Variants in CACNG5 observed in about 807,000 individuals in gnomAD.
CACNG5 encodes voltage-dependent calcium channel gamma-5 subunit.
CACNG5 carries 18 observed loss-of-function variants against 24.8 expected under a neutral mutation model. That is an observed-to-expected ratio of 0.73 (90% confidence interval 0.50 to 1.08). CACNG5 has a LOEUF of 1.08. Among genes scored for constraint, CACNG5 ranks in the 50% least tolerant of loss-of-function variants. The pLI, the probability that CACNG5 is intolerant of heterozygous loss-of-function variation, is 0.00. For missense variants in CACNG5, 349 were observed against 367.9 expected, an observed-to-expected ratio of 0.95 and a Z score of 0.42; for synonymous variants, 157 against 149.1, an observed-to-expected ratio of 1.05 and a Z score of -0.39.
rs79156024 is a variant in CACNG5 at position 66,893,731 on chromosome 17, C to G, written c.*8491C>G. Among the ~76,000 whole-genome samples, 22 of 152,184 alleles carry G rather than the reference C, an allele frequency of 1.4e-4. No individual in the cohort carries two copies. Among genetic ancestry groups the G allele is most frequent in the Admixed American group, 9.8e-4 (15 of 15,278 alleles). ...GCCATGGCAGGTGAGACCCGCCCCC[C>G]CAACCCGGCATTCTGAAGCCCTTCA... On this transcript the variant is annotated 3_prime_UTR_variant, in exon 6 of 6. Transcript: ENST00000533854.
chr17:66,876,555 G>A (rs1328614671), intron 1 of CACNG5, among the ~76,000 whole-genome samples: 1 of 152,210 alleles, frequency 6.6e-6, no homozygotes, highest in East Asian at 1.9e-4. Context: ...GTAAGAGTCA[G>A]CCCATTTCTG....
intron 1 of CACNG5, among the ~76,000 whole-genome samples, chr17:66,849,009 A>T (rs946550873): frequency 3.3e-5 from 5 of 151,964 alleles, no homozygotes; most frequent in African/African-American, 9.7e-5. Context: ...GTGTGCATTG[A>T]TTGAGTGCTT....
intron 1 of CACNG5, among the ~76,000 whole-genome samples, chr17:66,836,623 G>A (rs1218857816): frequency 2.0e-5 from 3 of 152,210 alleles, no homozygotes; most frequent in South Asian, 4.1e-4. Context: ...GTAGCTGGGG[G>A]ACACCTCATC....
chr17:66,844,372 G>A (rs61018231), intron 1 of CACNG5, among the ~76,000 whole-genome samples: 21,405 of 152,164 alleles, frequency 0.14, 1,828 homozygotes, highest in East Asian at 0.38. Flanking sequence ...GGCCTTAGGT[G>A]AGTCATTTTA....
chr17:66,869,449 A>G (rs958905583), intron 1 of CACNG5, among the ~76,000 whole-genome samples: 1 of 152,172 alleles, frequency 6.6e-6, no homozygotes, highest in Non-Finnish European at 1.5e-5. Flanking sequence ...GACTTACTTG[A>G]TAAGTCTTTC....
chr17:66,875,085 C>T (rs915159374), intron 1 of CACNG5, among the ~76,000 whole-genome samples: 8 of 152,202 alleles, frequency 5.3e-5, no homozygotes, highest in Non-Finnish European at 1.0e-4. Context: ...TATGATGCTA[C>T]CCCACCTTCA....
At chr17:66,882,994 C>G (rs1977185926) in intron 4 of CACNG5, among the ~76,000 whole-genome samples, 1 of 152,094 alleles carries the variant, frequency 6.6e-6, no homozygotes. Context: ...CATCCACACA[C>G]CTACCCACTC....
chr17:66,866,574 T>G (rs975785843), intron 1 of CACNG5, among the ~76,000 whole-genome samples: 12 of 152,222 alleles, frequency 7.9e-5, no homozygotes, highest in Non-Finnish European at 1.5e-4. Flanking sequence ...TATTAAGCCC[T>G]GCATGCTTTA....
At chr17:66,843,813 G>T (rs900805600) in intron 1 of CACNG5, among the ~76,000 whole-genome samples, 1 of 152,158 alleles carries the variant, frequency 6.6e-6, no homozygotes, top group African/African-American at 2.4e-5. Flanking sequence ...TGGGTGGGGG[G>T]AGGCAGGAAC....
rs999181829 is a variant in CACNG5, at chr17:66,892,060, T to G, written c.*6820T>G. On this transcript the variant is annotated 3_prime_UTR_variant, in exon 6 of 6. Coordinates refer to ENST00000533854, the MANE Select transcript of CACNG5 (RefSeq NM_145811.3). The stretch of plus-strand genomic sequence containing the variant: ...TGGGATTTATCACTGTAGCTGGGGA[T>G]AAGGCCACCTTCTGAGTCTGGCTGG... 3.3e-5 allele frequency among the ~76,000 whole-genome samples: 5 copies of G among 152,334 alleles called. No individual in the cohort carries two copies. Among genetic ancestry groups the G allele is most frequent in the African/African-American group, 9.6e-5 (4 of 41,590 alleles).
intron 1 of CACNG5, among the ~76,000 whole-genome samples, chr17:66,846,844 A>G (rs1017543582): frequency 6.6e-6 from 1 of 152,072 alleles, no homozygotes; most frequent in Admixed American, 6.6e-5. Context: ...GCGCCACCAA[A>G]CTCCTTTCCA....
intron 1 of CACNG5, among the ~76,000 whole-genome samples, chr17:66,870,745 G>A (rs749851329): frequency 4.6e-5 from 7 of 152,150 alleles, no homozygotes; most frequent in South Asian, 4.1e-4. Context: ...TTGAGAGGCC[G>A]AGGCAGGTGA....
At chr17:66,837,817 CAG>C (rs971275757) in intron 1 of CACNG5, among the ~76,000 whole-genome samples, 1 of 152,084 alleles carries the variant, frequency 6.6e-6, no homozygotes. Context: ...CATAGTTCTG[CAG>C]AGACAGGCCC....
intron 1 of CACNG5, among the ~76,000 whole-genome samples, chr17:66,848,270 C>T (rs1039765275): frequency 4.6e-5 from 7 of 152,212 alleles, no homozygotes; most frequent in Admixed American, 4.6e-4. Flanking sequence ...CCCCTCATTC[C>T]AATCCCACAG....
At chr17:66,862,741 G>A (rs528812504) in intron 1 of CACNG5, among the ~76,000 whole-genome samples, 9 of 143,766 alleles carry the variant, frequency 6.3e-5, no homozygotes, top group South Asian at 4.4e-4. Context: ...CAATATAGCC[G>A]TAAAGTACAT....
chr17:66,861,023 A>ACG (rs1177202592), intron 1 of CACNG5, among the ~76,000 whole-genome samples: 1 of 129,558 alleles, frequency 7.7e-6, no homozygotes, highest in Non-Finnish European at 1.7e-5. Flanking sequence ...GTGCACATGC[A>ACG]CGCACACACA....
intron 1 of CACNG5, among the ~76,000 whole-genome samples, chr17:66,840,495 G>A (rs922923759): frequency 6.6e-6 from 1 of 152,170 alleles, no homozygotes; most frequent in Non-Finnish European, 1.5e-5. Context: ...GGGGCAGCCA[G>A]CACAGGCTCC....
rs571730122 is a variant in CACNG5, at chr17:66,892,832, G to T, written c.*7592G>T. 3.7e-4 allele frequency among the ~76,000 whole-genome samples: 57 copies of T among 152,324 alleles called. 1 individual carries two copies. The highest frequency in any genetic ancestry group is 6.8e-3 in the Middle Eastern group (2 of 294). On this transcript the variant is annotated 3_prime_UTR_variant, in exon 6 of 6. Coordinates refer to ENST00000533854, the MANE Select transcript of CACNG5 (RefSeq NM_145811.3). ...CATAGCATTTCTCAGTGTCCTAAAT[G>T]ATCAATTCTGGAGAGCATCCTACAA...
At position 66,894,611 on chromosome 17, in the gene CACNG5, A is replaced by T. The variant is rs760385769; in HGVS notation, c.*9371A>T. On this transcript the variant is annotated 3_prime_UTR_variant, in exon 6 of 6. Transcript: ENST00000533854. ...CTCTTGATTTTTTATTCATTCATTC[A>T]TTTTTTTTCCTTCCCCCTCCACCCC... is the stretch of plus-strand genomic sequence containing the variant. 4.0e-5 allele frequency among the ~76,000 whole-genome samples: 6 copies of T among 150,980 alleles called. No individual in the cohort carries two copies. Among genetic ancestry groups the T allele is most frequent in the Non-Finnish European group, 8.9e-5 (6 of 67,764 alleles).
Sources: allele counts gnomAD v4.1 joint callset (sites outside exome capture counted in the v4.1 genomes callset), GRCh38; gene constraint gnomAD v4.1.1; transcripts MANE v1.5; gene names NCBI Gene and HGNC (gene_info 2026-07-23, HGNC 2026-07-21).